ZXDC: variants seen among roughly 807,000 people sequenced by gnomAD.
The protein encoded by ZXDC is zinc finger protein ZXDC.
ZXDC carries 58 observed loss-of-function variants against 63.6 expected under a neutral mutation model. The observed-to-expected ratio is 0.91, with a 90% CI of 0.74 to 1.13. ZXDC has a LOEUF of 1.13. Ranked by LOEUF, ZXDC falls within the 50% of genes most tolerant of loss-of-function variation. ZXDC has a pLI of 0.00. For missense variants in ZXDC, 1,133 were observed against 1,148.9 expected, an observed-to-expected ratio of 0.99 and a Z score of 0.20; for synonymous variants, 561 against 496.1, an observed-to-expected ratio of 1.13 and a Z score of -1.74.
Position 126,441,852 on chromosome 3 carries a change from G to A in ZXDC, c.2307C>T (p.Leu769=), listed in dbSNP as rs761187320. The stretch of plus-strand genomic sequence containing the variant: ...CTGGCCGTCCTCCGCTGGGCACCAC[G>A]AGGCTCCCACACAACCAACTGTTCT... ...ASQNSWLCGS[L]VVPSGGRPGP... Residue 769 remains leucine (L), a synonymous_variant, in exon 8 of 10, where the codon CTC becomes CTT. Coordinates refer to ENST00000389709, the MANE Select transcript of ZXDC (RefSeq NM_025112.5). The A allele has an allele frequency of 1.1e-5, 18 of 1,613,702 alleles. No homozygotes were observed. The East Asian group carries it at 1.6e-4, about 14-fold the overall frequency.
At position 126,437,738 on chromosome 3, in the gene ZXDC, C is replaced by T. The variant is rs1253033774; in HGVS notation, c.*637G>A. The T allele has an allele frequency of 1.3e-5, 2 of 152,292 alleles. No homozygotes were observed. Among genetic ancestry groups the T allele is most frequent in the Non-Finnish European group, 2.9e-5 (2 of 68,140 alleles). 9.4% of individuals were successfully genotyped at this position (152,292 alleles called of 1,614,324 possible). A position where few individuals can be genotyped will look rare whatever the true frequency, so the allele number is the denominator to read the frequency against. ...TTTAACTCTACCATCCCCCCGAGCT[C>T]TCGGCTATGAATTTAGTCTGGGAAG... is the stretch of plus-strand genomic sequence containing the variant. On this transcript the variant is annotated 3_prime_UTR_variant, in exon 10 of 10. Coordinates refer to ENST00000389709, the MANE Select transcript of ZXDC (RefSeq NM_025112.5).
chr3:126,460,429 C>T (rs765450172), intron 6 of ZXDC: 14 of 978,952 alleles, frequency 1.4e-5, no homozygotes, highest in South Asian at 4.7e-5. Flanking sequence ...GGTAGCCCAA[C>T]GTCACACAGC....
rs75256977 is a variant in ZXDC at position 126,451,934 on chromosome 3, G to A, written c.2212+7719C>T. The stretch of plus-strand genomic sequence containing the variant: ...GAGTTACTGCATGTGAAGGACACAC[G>A]ACAAAAAGAACAAGGGCAGGCTGCC... On this transcript the variant is annotated intron_variant, in intron 7 of 9. Transcript: ENST00000389709. The A allele has an allele frequency of 6.0e-4, 596 of 985,382 alleles. 10 individuals are homozygous for A. In the East Asian group the frequency reaches 0.046, roughly 76 times the overall value. The allele number at this position is 985,382 out of a possible 1,614,324, so 61.0% of individuals were successfully genotyped here. A position where few individuals can be genotyped will look rare whatever the true frequency, so the allele number is the denominator to read the frequency against.
chr3:126,475,640 A>T lies in ZXDC; in HGVS notation c.226T>A (p.Leu76Met). The T allele has an allele frequency of 6.8e-7, 1 of 1,469,652 alleles. No homozygotes were observed. Among genetic ancestry groups the T allele is most frequent in the Non-Finnish European group, 9.0e-7 (1 of 1,108,880 alleles). The allele number at this position is 1,469,652 out of a possible 1,614,324, so 91.0% of individuals were successfully genotyped here. A position where few individuals can be genotyped will look rare whatever the true frequency, so the allele number is the denominator to read the frequency against. ...CCGTGCGGCACTTCCAGCAGCACCA[A>T]GAAAGAGTCGCCGTCGCTGTCGTCC... Reference protein sequence around the residue: ...AEDDSDGDSFLVLLEVPHGGA... With the variant: ...AEDDSDGDSFMVLLEVPHGGA... The change falls in exon 1 of 10, where the codon TTG becomes ATG. Residue 76 changes from leucine (L) to methionine (M), a missense_variant. Transcript: ENST00000389709.
At chr3:126,468,771 G>A (rs1934869857) in intron 4 of ZXDC, among the ~76,000 whole-genome samples, 1 of 151,974 alleles carries the variant, frequency 6.6e-6, no homozygotes, top group African/African-American at 2.4e-5. Context: ...CCCCGCAGGT[G>A]GCACCGAGGC....
At chr3:126,474,202 C>G (rs1168899862) in intron 1 of ZXDC, among the ~76,000 whole-genome samples, 1 of 151,938 alleles carries the variant, frequency 6.6e-6, no homozygotes, top group Non-Finnish European at 1.5e-5. Flanking sequence ...GTAGCTGGGA[C>G]TACAGGCGCC....
At chr3:126,446,376 G>A (rs935573996) in intron 7 of ZXDC, among the ~76,000 whole-genome samples, 4 of 152,238 alleles carry the variant, frequency 2.6e-5, no homozygotes, top group East Asian at 1.9e-4. Context: ...CATCATCTGC[G>A]GTGAATGGAG....
At chr3:126,454,669 T>G (rs1008541370) in intron 7 of ZXDC, 1 of 985,338 alleles carries the variant, frequency 1.0e-6, no homozygotes, top group Non-Finnish European at 1.2e-6. Flanking sequence ...TGTCACAATG[T>G]GTCTTGCTGC....
rs545832140 is a variant in ZXDC at position 126,466,083 on chromosome 3, C to T, written c.1441+72G>A. ...CGCCTTCCAAGAGGTGAAGAAGGAA[C>T]AGACGGCACTGGCACTGTTCCCGTT... On this transcript the variant is annotated intron_variant, in intron 5 of 9. Coordinates refer to ENST00000389709, the MANE Select transcript of ZXDC (RefSeq NM_025112.5). 218 of 1,527,156 alleles carry T rather than the reference C, an allele frequency of 1.4e-4. No individual in the cohort carries two copies. In the African/African-American group the frequency reaches 2.6e-3, roughly 18 times the overall value. The allele number at this position is 1,527,156 out of a possible 1,614,324, so 94.6% of individuals were successfully genotyped here.
chr3:126,475,591 C>G lies in ZXDC; in HGVS notation c.275G>C (p.Gly92Ala), dbSNP rs762737337. The G allele has an allele frequency of 5.5e-6, 8 of 1,466,202 alleles. No individual in the cohort carries two copies. Among genetic ancestry groups the G allele is most frequent in the Non-Finnish European group, 5.4e-6 (6 of 1,106,518 alleles). The allele number at this position is 1,466,202 out of a possible 1,614,324, so 90.8% of individuals were successfully genotyped here. Residue 92 changes from glycine (G) to alanine (A), a missense_variant, in exon 1 of 10, where the codon GGA (glycine) becomes GCA (alanine). By Grantham distance (60) the Gly-to-Ala change is moderately conservative. Transcript: ENST00000389709. ...PHGGAAAEAA[G>A]SQEAEPGSRV... is the part of the protein sequence containing the mutation. ...GGAGCCAGGCTCGGCCTCCTGTGAT[C>G]CGGCAGCCTCGGCGGCAGCGCCGCC...
intron 7 of ZXDC, chr3:126,442,749 A>G (rs950433649): frequency 1.3e-5 from 2 of 152,214 alleles, no homozygotes; most frequent in Admixed American, 1.3e-4. Context: ...AGGCACTGTC[A>G]CTGCTCTGCC....
intron 7 of ZXDC, chr3:126,454,140 C>G: frequency 1.0e-6 from 1 of 966,170 alleles, no homozygotes; most frequent in Non-Finnish European, 1.2e-6. Context: ...TATAAATATT[C>G]AAAGGACATG....
At chr3:126,439,497 C>T in intron 9 of ZXDC, 135 bp downstream of exon 9, 2 of 1,463,476 alleles carry the variant, frequency 1.4e-6, no homozygotes, top group Non-Finnish European at 1.8e-6. Flanking sequence ...GCAAGACATC[C>T]TGGCAACCAA....
At chr3:126,473,718 T>C (rs1469607581) in intron 1 of ZXDC, among the ~76,000 whole-genome samples, 1 of 152,228 alleles carries the variant, frequency 6.6e-6, no homozygotes, top group African/African-American at 2.4e-5. Context: ...CGTTCATAAT[T>C]CTCATCTCAT....
At chr3:126,460,247 G>C in intron 6 of ZXDC, 1 of 703,812 alleles carries the variant, frequency 1.4e-6, no homozygotes, top group South Asian at 6.4e-5. Flanking sequence ...TCAGGAACTT[G>C]CCTGAGGGAG....
At chr3:126,460,515 C>A (rs1934483570) in intron 6 of ZXDC, 1 of 961,486 alleles carries the variant, frequency 1.0e-6, no homozygotes, top group African/African-American at 2.8e-5. Context: ...TGCAGCTGCA[C>A]CAGGGAGCTT....
chr3:126,466,908 A>T (rs1187166703), intron 4 of ZXDC, among the ~76,000 whole-genome samples: 3 of 152,122 alleles, frequency 2.0e-5, no homozygotes, highest in Non-Finnish European at 4.4e-5. Context: ...GAGGAAAAAC[A>T]AGACACATTC....
chr3:126,441,672 T>G, intron 8 of ZXDC, 93 bp downstream of exon 8: 1 of 1,444,850 alleles, frequency 6.9e-7, no homozygotes, highest in Non-Finnish European at 9.1e-7. Context: ...GGTGCTGCGA[T>G]GGGCAGGGGA....
intron 4 of ZXDC, 67 bp downstream of exon 4, chr3:126,470,828 A>G: frequency 1.9e-6 from 3 of 1,591,458 alleles, no homozygotes; most frequent in Non-Finnish European, 2.6e-6. Flanking sequence ...TAAACAACGG[A>G]AACTTAACAG....
Sources: allele counts gnomAD v4.1 joint callset (sites outside exome capture counted in the v4.1 genomes callset), GRCh38; gene constraint gnomAD v4.1.1; transcripts MANE v1.5; gene names NCBI Gene and HGNC (gene_info 2026-07-23, HGNC 2026-07-21).